The following LINGO2 variants were observed in gnomAD, a reference collection of about 807,000 sequenced individuals.
LINGO2 encodes the protein leucine-rich repeat and immunoglobulin-like domain-containing nogo receptor-interacting protein 2.
LINGO2 carries 14 observed loss-of-function variants against 30.6 expected under a neutral mutation model. That is an observed-to-expected ratio of 0.46 (90% CI 0.30 to 0.72). LINGO2 has a LOEUF of 0.72. Ranked by LOEUF, LINGO2 falls within the 30% of genes least tolerant of loss-of-function variation. The pLI is 0.07. For synonymous variants in LINGO2, 317 were observed against 288.5 expected (o/e 1.10, Z -1.00); for missense variants, 729 against 751.7 (o/e 0.97, Z 0.35).
In LINGO2 at chr9:28,555,792, A is replaced by C. The variant is rs1285861898; in HGVS notation, c.-364-79767T>G. Among the ~76,000 whole-genome samples, 4 of 152,098 alleles carry C rather than the reference A, an allele frequency of 2.6e-5. No individual in the cohort carries two copies. The South Asian group carries it at 6.2e-4, about 24-fold the overall frequency. Reference sequence around the variant, plus strand: ...AATCCAGCAGCACATCAAAAAGCTTATCCACCATGATCAAGTGGGCTTCAT... The same window carrying C: ...AATCCAGCAGCACATCAAAAAGCTTCTCCACCATGATCAAGTGGGCTTCAT... On this transcript the variant is annotated intron_variant, in intron 1 of 5. Transcript: ENST00000379992.
In LINGO2 at chr9:28,348,715, G is replaced by T. The variant is rs573512857; in HGVS notation, c.-246+24121C>A. ...GGGGCAGGGCACAGACAAACAAAAA[G>T]ACAGCAGTAACCTCTGCAGACTTAA... On this transcript the variant is annotated intron_variant, in intron 3 of 5. Transcript: ENST00000379992. Among the ~76,000 whole-genome samples, 32 of 151,856 alleles carry T rather than the reference G, an allele frequency of 2.1e-4. No individual in the cohort carries two copies. The South Asian group carries it at 4.2e-3, about 20-fold the overall frequency.
chr9:29,008,318 G>C, the LINGO2 span, among the ~76,000 whole-genome samples: 1 of 152,134 alleles, frequency 6.6e-6, no homozygotes, highest in Non-Finnish European at 1.5e-5. Flanking sequence ...TCTTAATCCA[G>C]TCTATCATTG....
the LINGO2 span, among the ~76,000 whole-genome samples, chr9:28,788,469 T>C: frequency 2.6e-5 from 4 of 152,214 alleles, no homozygotes; most frequent in African/African-American, 9.6e-5. Flanking sequence ...GTAGAAAAGG[T>C]AGGCATTAAA....
chr9:28,932,183 T>G, the LINGO2 span, among the ~76,000 whole-genome samples: 1 of 139,670 alleles, frequency 7.2e-6, no homozygotes, highest in African/African-American at 2.7e-5. Flanking sequence ...GGGGGGGATC[T>G]TGGCAATATG....
chr9:28,503,898 C>A (rs944601598), intron 1 of LINGO2, among the ~76,000 whole-genome samples: 3 of 151,628 alleles, frequency 2.0e-5, no homozygotes, highest in Non-Finnish European at 4.4e-5. Flanking sequence ...GACAGATTGA[C>A]CAATAAATAA....
chr9:28,022,151 G>A (rs1823158809), intron 4 of LINGO2, among the ~76,000 whole-genome samples: 1 of 151,790 alleles, frequency 6.6e-6, no homozygotes, highest in Admixed American at 6.6e-5. Context: ...ATTAAATTTT[G>A]CAATATACAT....
chr9:28,663,443 T>C (rs1828665056), intron 1 of LINGO2, among the ~76,000 whole-genome samples: 1 of 152,140 alleles, frequency 6.6e-6, no homozygotes. Context: ...AGTGCTGGGA[T>C]TACAGGCGTG....
chr9:28,848,138 T>C, the LINGO2 span, among the ~76,000 whole-genome samples: 4 of 115,150 alleles, frequency 3.5e-5, no homozygotes, highest in Admixed American at 1.9e-4. Flanking sequence ...ATATATAGCA[T>C]ATATATACTA....
intron 4 of LINGO2, among the ~76,000 whole-genome samples, chr9:28,050,261 A>G (rs1288591393): frequency 2.0e-5 from 3 of 150,744 alleles, no homozygotes; most frequent in Non-Finnish European, 4.4e-5. Context: ...GGTTACAAAA[A>G]TGAGTAAGAC....
chr9:28,292,625 G>C (rs1280787454), intron 4 of LINGO2, among the ~76,000 whole-genome samples: 2 of 151,868 alleles, frequency 1.3e-5, no homozygotes, highest in Non-Finnish European at 2.9e-5. Flanking sequence ...ACCATGCACA[G>C]CTAATTTTTG....
intron 2 of LINGO2, among the ~76,000 whole-genome samples, chr9:28,374,147 C>A (rs938026778): frequency 6.6e-6 from 1 of 150,556 alleles, no homozygotes; most frequent in Non-Finnish European, 1.5e-5. Context: ...TGAAGGCCTA[C>A]GGAGTATTTG....
At chr9:29,057,927 C>T in the LINGO2 span, among the ~76,000 whole-genome samples, 6,246 of 152,050 alleles carry the variant, frequency 0.041, 198 homozygotes, top group Admixed American at 0.083. Context: ...TAGAGTTCAA[C>T]GACAAGGCTT....
At chr9:29,066,387 C>T in the LINGO2 span, among the ~76,000 whole-genome samples, 1 of 151,852 alleles carries the variant, frequency 6.6e-6, no homozygotes, top group Admixed American at 6.6e-5. Flanking sequence ...TCTTAATAAT[C>T]TTGTGTACTG....
chr9:28,579,247 G>A (rs1824143598), intron 1 of LINGO2, among the ~76,000 whole-genome samples: 1 of 151,942 alleles, frequency 6.6e-6, no homozygotes, highest in Non-Finnish European at 1.5e-5. Context: ...CTCCACGTGA[G>A]GCTTTCACTA....
At chr9:28,865,056 G>T in the LINGO2 span, among the ~76,000 whole-genome samples, 1 of 152,094 alleles carries the variant, frequency 6.6e-6, no homozygotes, top group Non-Finnish European at 1.5e-5. Context: ...ATATATAAGA[G>T]AACTGAAAGA....
intron 4 of LINGO2, among the ~76,000 whole-genome samples, chr9:28,210,917 T>C (rs1405119427): frequency 1.3e-5 from 2 of 151,568 alleles, no homozygotes; most frequent in African/African-American, 4.8e-5. Context: ...AAGCCTATAA[T>C]AGAGCCAAGA....
chr9:28,632,740 T>TTA (rs1436230182), intron 1 of LINGO2, among the ~76,000 whole-genome samples: 14 of 134,440 alleles, frequency 1.0e-4, no homozygotes, highest in African/African-American at 3.7e-4. Flanking sequence ...ATCTATATAT[T>TTA]TATATATAGA....
At chr9:27,988,658 T>G (rs1821244300) in intron 5 of LINGO2, among the ~76,000 whole-genome samples, 1 of 152,040 alleles carries the variant, frequency 6.6e-6, no homozygotes, top group Admixed American at 6.6e-5. Context: ...GAGTAGTGTC[T>G]GTTCATATCC....
the LINGO2 span, among the ~76,000 whole-genome samples, chr9:28,750,690 G>A: frequency 6.6e-6 from 1 of 152,008 alleles, no homozygotes; most frequent in Admixed American, 6.6e-5. Flanking sequence ...CAGCCCCTTT[G>A]AGCCTCAGTT....
Sources: gnomAD v4.1 joint callset for allele counts (sites outside exome capture counted in the v4.1 genomes callset) on GRCh38, gnomAD v4.1.1 for gene constraint, MANE v1.5 for transcripts, NCBI Gene and HGNC (gene_info 2026-07-23, HGNC 2026-07-21) for gene names.